IL1RAPL2: variants seen among roughly 807,000 people sequenced by gnomAD.
IL1RAPL2 encodes X-linked interleukin-1 receptor accessory protein-like 2.
A neutral mutation model predicts 44.1 loss-of-function variants in IL1RAPL2; 3 were observed. The ratio of observed to expected loss-of-function variants is 0.07; its 90% CI spans 0.03 to 0.18. IL1RAPL2 has a LOEUF of 0.18. Among genes scored for constraint, IL1RAPL2 ranks in the 10% least tolerant of loss-of-function variants. The pLI is 1.00. For synonymous variants in IL1RAPL2, 181 were observed against 178.8 expected (o/e 1.01, Z -0.10); for missense variants, 391 against 496.4 (o/e 0.79, Z 2.02).
chrX:104,956,565 G>A (rs1037035481), intron 2 of IL1RAPL2, among the ~76,000 whole-genome samples: 1 of 107,811 alleles, frequency 9.3e-6, no homozygotes, highest in African/African-American at 3.4e-5. Context: ...TTGAACCTGC[G>A]AGGTGGAGAT....
chrX:104,588,003 G>A lies in IL1RAPL2; in HGVS notation c.-20+20952G>A, dbSNP rs761893508. ...GAAAAATGTTTTATCTGATTTGTTT[G>A]AAATATTTTTCCATTCTGTCACACC... On this transcript the variant is annotated intron_variant, in intron 1 of 10. Coordinates refer to ENST00000372582, the MANE Select transcript of IL1RAPL2 (RefSeq NM_017416.2). Among the ~76,000 whole-genome samples the A allele has an allele frequency of 2.7e-5, 3 of 111,585 alleles. No homozygotes were observed. The East Asian group carries it at 8.5e-4, about 31-fold the overall frequency.
At chrX:104,699,539 C>T (rs946357185) in intron 2 of IL1RAPL2, among the ~76,000 whole-genome samples, 3 of 111,650 alleles carry the variant, frequency 2.7e-5, no homozygotes, top group Non-Finnish European at 3.8e-5. Flanking sequence ...GATGAAGCTT[C>T]GCTCGCTTGC....
At chrX:105,670,338 T>G (rs1304937873) in intron 6 of IL1RAPL2, among the ~76,000 whole-genome samples, 1 of 102,490 alleles carries the variant, frequency 9.8e-6, no homozygotes, top group Non-Finnish European at 2.0e-5. Flanking sequence ...TCTCGCTCTG[T>G]CACCCAGGCT....
intron 6 of IL1RAPL2, among the ~76,000 whole-genome samples, chrX:105,674,698 A>T (rs1200476656): frequency 1.8e-5 from 2 of 111,899 alleles, no homozygotes; most frequent in Non-Finnish European, 3.8e-5. Flanking sequence ...TCTGTGAAGA[A>T]TGTCAATGGT....
At chrX:104,923,841 T>G (rs1259613937) in intron 2 of IL1RAPL2, among the ~76,000 whole-genome samples, 4 of 97,214 alleles carry the variant, frequency 4.1e-5, no homozygotes, top group African/African-American at 1.5e-4. Flanking sequence ...ATGTACCAAT[T>G]AAAAGATATA....
At chrX:104,631,802 T>C (rs1929656354) in intron 1 of IL1RAPL2, among the ~76,000 whole-genome samples, 1 of 110,869 alleles carries the variant, frequency 9.0e-6, no homozygotes, top group Non-Finnish European at 1.9e-5. Flanking sequence ...GCCTGTTCAC[T>C]CTGATGGTAG....
intron 2 of IL1RAPL2, among the ~76,000 whole-genome samples, chrX:104,822,948 A>C (rs1230509153): frequency 1.8e-5 from 2 of 110,980 alleles, no homozygotes; most frequent in South Asian, 3.8e-4. Context: ...AGTGGTTTGC[A>C]GTTCTCCTTG....
intron 1 of IL1RAPL2, among the ~76,000 whole-genome samples, chrX:104,625,922 T>G (rs1420557885): frequency 9.0e-6 from 1 of 111,304 alleles, no homozygotes; most frequent in African/African-American, 3.3e-5. Context: ...TGTATAATCT[T>G]CAGGCAACTT....
At chrX:105,323,456 G>A (rs2034911179) in intron 5 of IL1RAPL2, among the ~76,000 whole-genome samples, 1 of 111,873 alleles carries the variant, frequency 8.9e-6, no homozygotes, top group Admixed American at 9.5e-5. Context: ...AATCATCAGT[G>A]CTGTGCGCAT....
At chrX:104,708,184 A>G (rs1242621598) in intron 2 of IL1RAPL2, among the ~76,000 whole-genome samples, 1 of 111,690 alleles carries the variant, frequency 9.0e-6, no homozygotes, top group African/African-American at 3.3e-5. Flanking sequence ...TGAACTCCCA[A>G]TCTCATCCAG....
intron 2 of IL1RAPL2, among the ~76,000 whole-genome samples, chrX:105,075,764 G>A (rs1234497851): frequency 1.8e-5 from 2 of 111,826 alleles, no homozygotes; most frequent in Non-Finnish European, 3.8e-5. Context: ...TCCTGGTTTA[G>A]TCTTGGGAGA....
intron 5 of IL1RAPL2, among the ~76,000 whole-genome samples, chrX:105,343,694 C>T (rs2035088533): frequency 9.0e-6 from 1 of 111,493 alleles, no homozygotes; most frequent in Admixed American, 9.6e-5. Context: ...GGTCAAAGAA[C>T]ATAGCTCTTT....
At chrX:104,645,668 G>A (rs781283281) in intron 1 of IL1RAPL2, among the ~76,000 whole-genome samples, 1 of 111,667 alleles carries the variant, frequency 9.0e-6, no homozygotes, top group Non-Finnish European at 1.9e-5. Context: ...GTTGTTGTCT[G>A]TGGTTTTTTC....
At chrX:104,757,991 T>C (rs1932368231) in intron 2 of IL1RAPL2, among the ~76,000 whole-genome samples, 1 of 111,876 alleles carries the variant, frequency 8.9e-6, no homozygotes, top group African/African-American at 3.2e-5. Flanking sequence ...TACAGATGTT[T>C]CTGTCCTTAC....
chrX:105,329,392 G>T (rs1228146015), intron 5 of IL1RAPL2, among the ~76,000 whole-genome samples: 1 of 111,432 alleles, frequency 9.0e-6, no homozygotes, highest in Admixed American at 9.6e-5. Context: ...AACTCTTTTG[G>T]GCCTGAATTT....
intron 2 of IL1RAPL2, among the ~76,000 whole-genome samples, chrX:104,747,879 G>A (rs1253321252): frequency 9.0e-6 from 1 of 111,612 alleles, no homozygotes; most frequent in Non-Finnish European, 1.9e-5. Flanking sequence ...ATCATTGAGT[G>A]CAAACTTCAG....
At chrX:105,411,075 G>A (rs1392781442) in intron 5 of IL1RAPL2, among the ~76,000 whole-genome samples, 1 of 111,808 alleles carries the variant, frequency 8.9e-6, no homozygotes, top group Non-Finnish European at 1.9e-5. Flanking sequence ...CCAAAGTTAA[G>A]TTGTTATCAG....
At chrX:105,219,886 T>TGGGAATGGGGC in intron 3 of IL1RAPL2, 1 of 1,060,378 alleles carries the variant, frequency 9.4e-7, no homozygotes, top group East Asian at 3.1e-5. Context: ...TGGAGAGGGG[T>TGGGAATGGGGC]GGGAATGGGG....
intron 2 of IL1RAPL2, among the ~76,000 whole-genome samples, chrX:104,878,090 T>C (rs1289774398): frequency 9.0e-6 from 1 of 111,566 alleles, no homozygotes; most frequent in Non-Finnish European, 1.9e-5. Context: ...TTGTGTACAT[T>C]GTTAGACTGC....
Sources: gnomAD v4.1 joint callset for allele counts (sites outside exome capture counted in the v4.1 genomes callset) on GRCh38, gnomAD v4.1.1 for gene constraint, MANE v1.5 for transcripts, NCBI Gene and HGNC (gene_info 2026-07-23, HGNC 2026-07-21) for gene names.